The following SLC22A24 variants were observed in gnomAD, a reference collection of about 807,000 sequenced individuals.
The protein encoded by SLC22A24 is solute carrier family 22 member 24.
SLC22A24 carries 53 observed loss-of-function variants against 49.8 expected under a neutral mutation model. That is an observed-to-expected ratio of 1.06 (90% CI 0.85 to 1.34). SLC22A24 has a LOEUF of 1.34. SLC22A24 is among the 40% of genes most tolerant of loss of function. The pLI is 0.00. For missense variants in SLC22A24, 786 were observed against 675.9 expected (o/e 1.16, Z -1.81); for synonymous variants, 302 against 256.4 (o/e 1.18, Z -1.70).
chr11:63,111,445 T>A (rs1362740017), intron 4 of SLC22A24, among the ~76,000 whole-genome samples: 1 of 151,954 alleles, frequency 6.6e-6, no homozygotes, highest in Non-Finnish European at 1.5e-5. Context: ...TCCTTGTACC[T>A]CTGGTAGAAT....
chr11:63,109,609 A>C (rs1391605016), intron 4 of SLC22A24, among the ~76,000 whole-genome samples: 3 of 150,354 alleles, frequency 2.0e-5, no homozygotes, highest in Non-Finnish European at 4.5e-5. Context: ...GATGGTGAGC[A>C]TTTTTTCATG....
At position 63,122,581 on chromosome 11, in the gene SLC22A24, C is replaced by T. The variant is rs183158612; in HGVS notation, c.507-3246G>A. On this transcript the variant is annotated intron_variant, in intron 2 of 9. Coordinates refer to ENST00000612278, the MANE Select transcript of SLC22A24 (RefSeq NM_001136506.2). ...CCAGGCTGGAGTGCGGTGGTGCCAT[C>T]TCGGCTCACTGCAACCTCCGCCTCC... 9.2e-5 allele frequency among the ~76,000 whole-genome samples: 14 copies of T among 152,240 alleles called. No homozygotes were observed. In the East Asian group the frequency reaches 2.7e-3, roughly 29 times the overall value.
At chr11:63,140,723 A>G (rs1282454017) in intron 1 of SLC22A24, among the ~76,000 whole-genome samples, 1 of 152,240 alleles carries the variant, frequency 6.6e-6, no homozygotes, top group Non-Finnish European at 1.5e-5. Context: ...TGGAATATGA[A>G]ATTGAGATTA....
At chr11:63,142,915 A>G (rs1382267140) in intron 1 of SLC22A24, among the ~76,000 whole-genome samples, 1 of 152,188 alleles carries the variant, frequency 6.6e-6, no homozygotes, top group Non-Finnish European at 1.5e-5. Context: ...GCCTCCCTCA[A>G]AAAACAAAAA....
chr11:63,124,362 C>T lies in SLC22A24; in HGVS notation c.507-5027G>A, dbSNP rs190848702. The stretch of plus-strand genomic sequence containing the variant: ...GAAGGCACAGATAATGAGATAAATT[C>T]GATGTATGGATTAACTGTGTGATAT... On this transcript the variant is annotated intron_variant, in intron 2 of 9. Coordinates refer to ENST00000612278, the MANE Select transcript of SLC22A24 (RefSeq NM_001136506.2). Among the ~76,000 whole-genome samples the T allele has an allele frequency of 1.5e-3, 228 of 152,230 alleles. 1 individual carries two copies. The highest frequency in any genetic ancestry group is 5.2e-3 in the African/African-American group (214 of 41,536).
At chr11:63,084,547 A>G (rs1234547060) in intron 6 of SLC22A24, among the ~76,000 whole-genome samples, 1 of 152,170 alleles carries the variant, frequency 6.6e-6, no homozygotes, top group African/African-American at 2.4e-5. Context: ...ATCACAAGAA[A>G]TGGAGTGAAT....
At chr11:63,100,082 CAGACAAG>C in intron 5 of SLC22A24, among the ~76,000 whole-genome samples, 1 of 152,070 alleles carries the variant, frequency 6.6e-6, no homozygotes, top group Non-Finnish European at 1.5e-5. Context: ...CTAGAGCAAT[CAGACAAG>C]AGACAGATAT....
chr11:63,108,124 T>C (rs1204606171), intron 4 of SLC22A24, among the ~76,000 whole-genome samples: 1 of 152,190 alleles, frequency 6.6e-6, no homozygotes, highest in Non-Finnish European at 1.5e-5. Context: ...ACCTAGTCTA[T>C]TGAGAGTTTT....
rs1336214116 is a variant in SLC22A24 at position 63,119,383 on chromosome 11, C to G, written c.507-48G>C. 3 of 1,453,794 alleles carry G rather than the reference C, an allele frequency of 2.1e-6. No homozygotes were observed. The East Asian group carries it at 7.5e-5, about 37-fold the overall frequency. The allele number at this position is 1,453,794 out of a possible 1,614,324, so 90.1% of individuals were successfully genotyped here. On this transcript the variant is annotated intron_variant, in intron 2 of 9. Coordinates refer to ENST00000612278, the MANE Select transcript of SLC22A24 (RefSeq NM_001136506.2). ...ACGTTACTTAGGAACAAAAATAACA[C>G]GTGGAAAACTTGACAAACAATGGCG...
At chr11:63,097,004 A>T (rs1456077942) in intron 5 of SLC22A24, among the ~76,000 whole-genome samples, 1 of 152,172 alleles carries the variant, frequency 6.6e-6, no homozygotes, top group African/African-American at 2.4e-5. Flanking sequence ...TTATTTTTAA[A>T]AATAATATTA....
intron 2 of SLC22A24, among the ~76,000 whole-genome samples, chr11:63,130,348 C>A (rs950467211): frequency 6.6e-6 from 1 of 152,152 alleles, no homozygotes; most frequent in South Asian, 2.1e-4. Context: ...GGTGGATAAG[C>A]TTTTTGATGT....
chr11:63,086,214 C>T (rs575285028), intron 6 of SLC22A24, among the ~76,000 whole-genome samples: 2 of 152,258 alleles, frequency 1.3e-5, no homozygotes, highest in East Asian at 1.9e-4. Flanking sequence ...ATAAATCATT[C>T]TACTATAAAG....
chr11:63,125,441 A>G (rs1477561551), intron 2 of SLC22A24, among the ~76,000 whole-genome samples: 1 of 152,098 alleles, frequency 6.6e-6, no homozygotes, highest in Non-Finnish European at 1.5e-5. Flanking sequence ...GTTTGCTGAG[A>G]ATGATGGTTT....
At chr11:63,096,222 T>G in intron 5 of SLC22A24, 116 bp from the exon 6 acceptor site, 7 of 643,646 alleles carry the variant, frequency 1.1e-5, no homozygotes, top group South Asian at 1.9e-5. Flanking sequence ...AGGAAATTTC[T>G]GTCTAGTGGG....
intron 2 of SLC22A24, among the ~76,000 whole-genome samples, chr11:63,124,638 C>G (rs2087275415): frequency 6.6e-6 from 1 of 152,116 alleles, no homozygotes; most frequent in Admixed American, 6.6e-5. Context: ...TACAACTGGT[C>G]TCCTGGCTGC....
chr11:63,089,260 C>T (rs1338907557), intron 6 of SLC22A24, among the ~76,000 whole-genome samples: 3 of 152,134 alleles, frequency 2.0e-5, no homozygotes, highest in Admixed American at 2.0e-4. Context: ...GAGTGGGGGC[C>T]AATATTCAAC....
intron 4 of SLC22A24, chr11:63,116,445 T>A (rs552719348): frequency 8.9e-5 from 14 of 157,830 alleles, no homozygotes; most frequent in Admixed American, 6.5e-4. Flanking sequence ...GCAGACTCTG[T>A]TTTCTGTTGA....
chr11:63,133,533 G>T (rs145612083), intron 2 of SLC22A24, among the ~76,000 whole-genome samples: 2,331 of 152,266 alleles, frequency 0.015, 26 homozygotes, highest in Middle Eastern at 0.054. Context: ...TGGGTGACAT[G>T]CTTCAGTGAC....
intron 2 of SLC22A24, among the ~76,000 whole-genome samples, chr11:63,119,968 G>A (rs2087239764): frequency 6.6e-6 from 1 of 151,720 alleles, no homozygotes; most frequent in African/African-American, 2.4e-5. Context: ...TGATGGGGTT[G>A]TTTGTTTTTT....
Sources: allele counts gnomAD v4.1 joint callset (sites outside exome capture counted in the v4.1 genomes callset), GRCh38; gene constraint gnomAD v4.1.1; transcripts MANE v1.5; gene names NCBI Gene and HGNC (gene_info 2026-07-23, HGNC 2026-07-21).